The following LAMA2 variants were observed in gnomAD, a reference collection of about 807,000 sequenced individuals.
The protein encoded by LAMA2 is laminin subunit alpha-2.
Under a neutral mutation model 364.8 loss-of-function variants are expected in LAMA2, and 269 were observed. That is an observed-to-expected ratio of 0.74 (90% CI 0.67 to 0.82). LAMA2 has a LOEUF of 0.82. LAMA2 is among the 40% of genes least tolerant of loss of function. The probability of loss-of-function intolerance (pLI) is 0.00; values close to 1 mark genes in which losing one functional copy is unlikely to be tolerated. For synonymous variants in LAMA2, 1,379 were observed against 1,370.6 expected, an observed-to-expected ratio of 1.01 and a Z score of -0.14; for missense variants, 3,807 against 3,873.2, an observed-to-expected ratio of 0.98 and a Z score of 0.45.
chr6:129,147,281 TC>T (rs1450483635), intron 6 of LAMA2, among the ~76,000 whole-genome samples: 54 of 150,488 alleles, frequency 3.6e-4, no homozygotes, highest in African/African-American at 1.2e-3. Flanking sequence ...TTTTTTTTTT[TC>T]AAAAAGGCTC....
chr6:129,110,109 CA>C lies in LAMA2; in HGVS notation c.639+11706del, dbSNP rs3061201. Among the ~76,000 whole-genome samples the C allele has an allele frequency of 5.1e-3, 727 of 142,360 alleles. 5 individuals carry two copies. The highest frequency in any genetic ancestry group is 7.3e-3 in the African/African-American group (291 of 39,620). 93.4% of individuals were successfully genotyped at this position (142,360 alleles called of 152,430 possible). A position where few individuals can be genotyped will look rare whatever the true frequency, so the allele number is the denominator to read the frequency against. On this transcript the variant is annotated intron_variant, in intron 4 of 64. Coordinates refer to ENST00000421865, the MANE Select transcript of LAMA2 (RefSeq NM_000426.4). ...ATTTAAATATGCTAGCACCTTATTGCAAAAAAAAAAAAGTTCTACTTATATT... is the reference window on the plus strand; with the variant it reads ...ATTTAAATATGCTAGCACCTTATTGCAAAAAAAAAAAGTTCTACTTATATT...
At chr6:129,109,278 C>T in intron 4 of LAMA2, among the ~76,000 whole-genome samples, 1 of 152,042 alleles carries the variant, frequency 6.6e-6, no homozygotes, top group East Asian at 1.9e-4. Flanking sequence ...TATAAGTGGG[C>T]AACAGAACCC....
At chr6:129,346,897 T>C (rs1010764497) in intron 30 of LAMA2, among the ~76,000 whole-genome samples, 4 of 152,114 alleles carry the variant, frequency 2.6e-5, no homozygotes, top group African/African-American at 9.7e-5. Flanking sequence ...CAGATGAGAC[T>C]TGTGCAGAAA....
intron 32 of LAMA2, among the ~76,000 whole-genome samples, chr6:129,361,673 G>T (rs1201622439): frequency 6.6e-6 from 1 of 152,050 alleles, no homozygotes; most frequent in Non-Finnish European, 1.5e-5. Context: ...ATGTTGCTCT[G>T]CCACATTCTG....
rs1779324703 is a variant in LAMA2 at position 129,391,588 on chromosome 6, G to T, written c.5169G>T (p.Gln1723His). The T allele has an allele frequency of 6.2e-7, 1 of 1,613,786 alleles. No homozygotes were observed. The highest frequency in any genetic ancestry group is 1.3e-5 in the African/African-American group (1 of 74,926). Residue 1723 changes from glutamine to histidine, a missense_variant, in exon 36 of 65, where the codon CAG becomes CAT. Gln to His is a conservative substitution (Grantham distance 24). Transcript: ENST00000421865. ...NLEGLQKEID[Q>H]MIKELRRKNL... ...AAGGGCTTCAGAAAGAGATTGACCA[G>T]ATGATTAAAGAACTGAGGAGGAAAA...
chr6:129,157,544 T>C (rs1252161993), intron 8 of LAMA2: 1 of 1,612,322 alleles, frequency 6.2e-7, no homozygotes, highest in Non-Finnish European at 8.5e-7. Context: ...CATCTTGGGA[T>C]TCAACCATCT....
At chr6:129,414,265 A>G (rs949740864) in intron 40 of LAMA2, among the ~76,000 whole-genome samples, 19 of 152,082 alleles carry the variant, frequency 1.2e-4, no homozygotes, top group African/African-American at 4.6e-4. Flanking sequence ...TAAAGGACCC[A>G]TTATGCAATT....
chr6:129,099,637 C>T (rs979010794), intron 4 of LAMA2, among the ~76,000 whole-genome samples: 6 of 152,168 alleles, frequency 3.9e-5, no homozygotes, highest in Non-Finnish European at 8.8e-5. Flanking sequence ...TTCTATCATG[C>T]CCACCCCAGC....
chr6:129,200,446 A>ATG (rs1426311379), intron 12 of LAMA2, among the ~76,000 whole-genome samples: 2 of 150,160 alleles, frequency 1.3e-5, no homozygotes. Flanking sequence ...ATATACATAT[A>ATG]TGTATATATA....
chr6:129,177,711 G>T lies in LAMA2; in HGVS notation c.1312G>T (p.Ala438Ser). The T allele has an allele frequency of 6.2e-7, 1 of 1,613,812 alleles. No homozygotes were observed. Among genetic ancestry groups the T allele is most frequent in the Non-Finnish European group, 8.5e-7 (1 of 1,179,870 alleles). Residue 438 changes from alanine (A) to serine (S), a missense_variant, in exon 10 of 65, where the codon GCA (alanine) becomes TCA (serine). Physicochemically the swap from Ala to Ser is moderately conservative, Grantham distance 99. Transcript: ENST00000421865. ...KDEKHARRGL[A>S]PGSCHCKTGF... is the part of the protein sequence containing the mutation. ...TGTGGCTCATCTTTCTTTAGGTTTG[G>T]CACCTGGATCCTGTCATTGCAAAAC...
At chr6:128,954,044 A>G (rs1200480276) in intron 1 of LAMA2, among the ~76,000 whole-genome samples, 1 of 152,088 alleles carries the variant, frequency 6.6e-6, no homozygotes, top group African/African-American at 2.4e-5. Flanking sequence ...TTCTACAGAG[A>G]AGTTAGGTCA....
intron 17 of LAMA2, among the ~76,000 whole-genome samples, chr6:129,273,528 T>C (rs1788087056): frequency 6.6e-6 from 1 of 152,170 alleles, no homozygotes; most frequent in South Asian, 2.1e-4. Flanking sequence ...CTGACCAACA[T>C]TACTATAAAT....
At chr6:129,034,567 A>G (rs1786480865) in intron 1 of LAMA2, among the ~76,000 whole-genome samples, 1 of 151,940 alleles carries the variant, frequency 6.6e-6, no homozygotes, top group African/African-American at 2.4e-5. Context: ...TACTGAACCC[A>G]TCACCCAAAT....
At chr6:129,119,683 A>G (rs1562254522) in intron 4 of LAMA2, among the ~76,000 whole-genome samples, 1 of 151,938 alleles carries the variant, frequency 6.6e-6, no homozygotes, top group South Asian at 2.1e-4. Context: ...GAGTAGCTGG[A>G]ACTACAGGCG....
chr6:129,126,742 T>C (rs1361091304), intron 4 of LAMA2, among the ~76,000 whole-genome samples: 1 of 152,214 alleles, frequency 6.6e-6, no homozygotes, highest in African/African-American at 2.4e-5. Context: ...TCAGATGTTA[T>C]TTCAAGCATA....
chr6:129,496,365 C>A (rs1468162220), intron 58 of LAMA2, among the ~76,000 whole-genome samples: 1 of 152,126 alleles, frequency 6.6e-6, no homozygotes, highest in Non-Finnish European at 1.5e-5. Context: ...GGGATTTCTC[C>A]ATGTTGGTCA....
At chr6:129,212,541 C>T (rs1476514430) in intron 12 of LAMA2, among the ~76,000 whole-genome samples, 1 of 152,098 alleles carries the variant, frequency 6.6e-6, no homozygotes, top group Non-Finnish European at 1.5e-5. Context: ...TACAGCTTCT[C>T]CAGAGACCAG....
Position 129,438,725 on chromosome 6 carries a change from G to A in LAMA2, c.6048G>A (p.Leu2016=), listed in dbSNP as rs749442456. ...GAAATGGGGATCTCTTGAGAACTTT[G>A]AATGACACTTTGGGAAAGTTATCAG... ...DARNGDLLRT[L]NDTLGKLSAI... The change falls in exon 42 of 65, where the codon TTG becomes TTA. Residue 2016 remains leucine (L), a synonymous_variant. Transcript: ENST00000421865. 10 of 1,605,816 alleles carry A rather than the reference G, an allele frequency of 6.2e-6. No individual in the cohort carries two copies. Among genetic ancestry groups the A allele is most frequent in the Non-Finnish European group, 7.7e-6 (9 of 1,172,832 alleles).
rs1583668964 is a variant in LAMA2, at chr6:129,403,669, C to A, written c.5727-152C>A. On this transcript the variant is annotated intron_variant, in intron 39 of 64. Transcript: ENST00000421865. ...GTTTAGGTTATAGAAAACTATAGGA[C>A]AATATAATAAGTAGATACTTCACTA... The A allele has an allele frequency of 6.9e-6, 5 of 726,106 alleles. No homozygotes were observed. In the East Asian group the frequency reaches 1.1e-4, roughly 16 times the overall value. The allele number at this position is 726,106 out of a possible 1,614,324, so 45.0% of individuals were successfully genotyped here.
Sources: gnomAD v4.1 joint callset for allele counts (sites outside exome capture counted in the v4.1 genomes callset) on GRCh38, gnomAD v4.1.1 for gene constraint, MANE v1.5 for transcripts, NCBI Gene and HGNC (gene_info 2026-07-23, HGNC 2026-07-21) for gene names.